TDRD9: variants seen among roughly 807,000 people sequenced by gnomAD.
TDRD9 encodes the protein ATP-dependent RNA helicase TDRD9.
TDRD9 carries 124 observed loss-of-function variants against 172.6 expected under a neutral mutation model. The ratio of observed to expected loss-of-function variants is 0.72; its 90% confidence interval spans 0.62 to 0.83. The LOEUF (loss-of-function observed/expected upper bound fraction) is 0.83. TDRD9 is among the 40% of genes least tolerant of loss of function. TDRD9 has a pLI of 0.00. For synonymous variants in TDRD9, 619 were observed against 617.1 expected (o/e 1.00, Z -0.05); for missense variants, 1,479 against 1,714.1 (o/e 0.86, Z 2.42).
At chr14:103,989,119 T>C (rs775382297) in intron 8 of TDRD9, among the ~76,000 whole-genome samples, 3 of 152,226 alleles carry the variant, frequency 2.0e-5, no homozygotes, top group Non-Finnish European at 2.9e-5. Context: ...AGAGTTTTAC[T>C]GAATACAGGA....
intron 25 of TDRD9, 125 bp downstream of exon 25, chr14:104,024,805 T>G: frequency 2.2e-6 from 1 of 458,520 alleles, no homozygotes; most frequent in Non-Finnish European, 3.9e-6. Flanking sequence ...TTGTGCACCT[T>G]GGTAATCTTG....
In TDRD9 at chr14:104,006,482, G is replaced by A. The variant is rs1347119849; in HGVS notation, c.1807G>A (p.Val603Ile). The change falls in exon 16 of 36, where the codon GTA becomes ATA. Residue 603 changes from valine to isoleucine, a missense_variant. Val to Ile is a conservative substitution (Grantham distance 29). Transcript: ENST00000409874. ...AGGAAGAGTTTTAGCCCAACTTCCT[G>A]TAAATCAGCAACTTGGTAAACTCAT... ...FLGRVLAQLP[V>I]NQQLGKLIVL... The A allele has an allele frequency of 2.5e-6, 4 of 1,613,812 alleles. No individual in the cohort carries two copies. Among genetic ancestry groups the A allele is most frequent in the South Asian group, 1.1e-5 (1 of 91,090 alleles).
chr14:104,004,404 G>T (rs1272573142), intron 14 of TDRD9, 69 bp downstream of exon 14: 1 of 874,176 alleles, frequency 1.1e-6, no homozygotes, highest in Non-Finnish European at 1.8e-6. Flanking sequence ...TTTATGAGAC[G>T]GAGTCTTGCA....
intron 1 of TDRD9, among the ~76,000 whole-genome samples, chr14:103,936,405 T>C (rs2030767173): frequency 6.6e-6 from 1 of 152,228 alleles, no homozygotes; most frequent in Admixed American, 6.5e-5. Flanking sequence ...GAGACCCCAG[T>C]TATTGAATGC....
At chr14:104,038,863 T>G (rs2035529220) in intron 32 of TDRD9, among the ~76,000 whole-genome samples, 1 of 151,912 alleles carries the variant, frequency 6.6e-6, no homozygotes, top group Non-Finnish European at 1.5e-5. Flanking sequence ...AGAGAAGGGG[T>G]TTCGCCCTGT....
intron 1 of TDRD9, among the ~76,000 whole-genome samples, chr14:103,943,515 C>CT (rs71462605): frequency 0.074 from 9,880 of 133,244 alleles, 466 homozygotes; most frequent in Non-Finnish European, 0.11. Flanking sequence ...ACATACATTT[C>CT]TTTTTTTTTT....
intron 28 of TDRD9, among the ~76,000 whole-genome samples, chr14:104,027,966 T>C (rs2035174021): frequency 6.6e-6 from 1 of 152,248 alleles, no homozygotes; most frequent in Non-Finnish European, 1.5e-5. Flanking sequence ...TTTCTGTGCC[T>C]GACTTATTTT....
At chr14:103,940,911 A>G in intron 1 of TDRD9, 19 of 1,535,372 alleles carry the variant, frequency 1.2e-5, no homozygotes, top group Non-Finnish European at 1.7e-5. Context: ...TGGGTATTTC[A>G]TCTTTGTCTG....
intron 2 of TDRD9, among the ~76,000 whole-genome samples, chr14:103,959,723 C>G (rs2032420140): frequency 6.6e-6 from 1 of 152,118 alleles, no homozygotes; most frequent in African/African-American, 2.4e-5. Context: ...TCCAAGGACA[C>G]CCATTCAGTG....
At chr14:104,036,654 A>G (rs1314307020) in intron 32 of TDRD9, among the ~76,000 whole-genome samples, 1 of 152,202 alleles carries the variant, frequency 6.6e-6, no homozygotes, top group Non-Finnish European at 1.5e-5. Flanking sequence ...CCAGAGTGCA[A>G]GCGTTTAGGT....
At chr14:103,937,815 C>T (rs1229798908) in intron 1 of TDRD9, among the ~76,000 whole-genome samples, 9 of 151,490 alleles carry the variant, frequency 5.9e-5, no homozygotes, top group Admixed American at 5.2e-4. Flanking sequence ...CTTTAGAACA[C>T]AAAAAATTCT....
rs60712068 is a variant in TDRD9 at position 103,956,079 on chromosome 14, TAAAAAAAAAA to T, written c.322+333_322+342del. 6.7e-3 allele frequency among the ~76,000 whole-genome samples: 169 copies of T among 25,084 alleles called. 4 individuals are homozygous for T. The highest frequency in any genetic ancestry group is 7.2e-3 in the African/African-American group (32 of 4,426). 16.5% of individuals were successfully genotyped at this position (25,084 alleles called of 152,430 possible). A position where few individuals can be genotyped will look rare whatever the true frequency, so the allele number is the denominator to read the frequency against. On this transcript the variant is annotated intron_variant, in intron 2 of 35. Coordinates refer to ENST00000409874, the MANE Select transcript of TDRD9 (RefSeq NM_153046.3). The stretch of plus-strand genomic sequence containing the variant: ...GGGCAACATACGGAGACCCTCTCTT[TAAAAAAAAAA>T]AAAAAAAAAAAAAAAAAAAAAAATA...
At chr14:104,025,801 T>C (rs1400970722) in intron 26 of TDRD9, 25 bp downstream of exon 26, 19 of 1,560,088 alleles carry the variant, frequency 1.2e-5, no homozygotes, top group Non-Finnish European at 1.7e-5. Context: ...AACAAGTCAC[T>C]GGAAGGGAAA....
At chr14:103,961,486 C>G (rs1031421752) in intron 2 of TDRD9, among the ~76,000 whole-genome samples, 2 of 151,748 alleles carry the variant, frequency 1.3e-5, no homozygotes, top group African/African-American at 4.8e-5. Flanking sequence ...TCGCTTGAAC[C>G]CAGGAGGCAG....
chr14:103,954,245 C>T (rs1373670068), intron 1 of TDRD9, among the ~76,000 whole-genome samples: 1 of 152,190 alleles, frequency 6.6e-6, no homozygotes, highest in African/African-American at 2.4e-5. Context: ...AGCTTGTCCC[C>T]TGTTGGACAT....
Position 104,022,308 on chromosome 14 carries a change from G to A in TDRD9, c.2584G>A (p.Val862Ile), listed in dbSNP as rs201957950. The change falls in exon 24 of 36, where the codon GTC (valine) becomes ATC (isoleucine). Residue 862 changes from valine to isoleucine, a missense_variant. Transcript: ENST00000409874. ...TGAAGGGAAGGTGCAAGGCATGAACGTCTCAAAGCTCAGGAACACAAGGTA... is the reference window on the plus strand; with the variant it reads ...TGAAGGGAAGGTGCAAGGCATGAACATCTCAAAGCTCAGGAACACAAGGTA... The part of the protein sequence containing the change: ...EIEGKVQGMN[V>I]SKLRNTRVNV... 53 of 1,612,348 alleles carry A rather than the reference G, an allele frequency of 3.3e-5. No homozygotes were observed. The highest frequency in any genetic ancestry group is 8.0e-5 in the African/African-American group (6 of 75,020).
intron 22 of TDRD9, among the ~76,000 whole-genome samples, chr14:104,017,136 G>A (rs753290936): frequency 5.9e-5 from 9 of 152,022 alleles, no homozygotes; most frequent in African/African-American, 9.7e-5. Context: ...TCACCCCTCT[G>A]CCCCTTCGTG....
At chr14:103,989,577 A>G (rs1320001895) in intron 8 of TDRD9, among the ~76,000 whole-genome samples, 3 of 152,220 alleles carry the variant, frequency 2.0e-5, no homozygotes, top group African/African-American at 4.8e-5. Context: ...TAGGATCTGT[A>G]TCTATTTCCA....
At chr14:103,988,424 G>A (rs1366507366) in intron 8 of TDRD9, among the ~76,000 whole-genome samples, 5 of 152,036 alleles carry the variant, frequency 3.3e-5, no homozygotes, top group Admixed American at 6.6e-5. Flanking sequence ...CGCCCGCCTC[G>A]GCCTCCCAAA....
Sources: allele counts gnomAD v4.1 joint callset (sites outside exome capture counted in the v4.1 genomes callset), GRCh38; gene constraint gnomAD v4.1.1; transcripts MANE v1.5; gene names NCBI Gene and HGNC (gene_info 2026-07-23, HGNC 2026-07-21).